ZNF536: variants seen among roughly 807,000 people sequenced by gnomAD.
ZNF536 encodes the protein zinc finger protein 536.
ZNF536 carries 13 observed loss-of-function variants against 84.5 expected under a neutral mutation model. That is an observed-to-expected ratio of 0.15 (90% confidence interval 0.10 to 0.24). The LOEUF (loss-of-function observed/expected upper bound fraction) is 0.24. Among genes scored for constraint, ZNF536 ranks in the 10% least tolerant of loss-of-function variants. The pLI, the probability that ZNF536 is intolerant of heterozygous loss-of-function variation, is 1.00. For synonymous variants in ZNF536, 811 were observed against 742.5 expected, an observed-to-expected ratio of 1.09 and a Z score of -1.50; for missense variants, 1,536 against 1,747.5, an observed-to-expected ratio of 0.88 and a Z score of 2.16.
rs1321412404 is a variant in ZNF536, at chr19:30,548,826, C to A, written c.3207C>A (p.Ile1069=). 6.2e-7 allele frequency: 1 copy of A among 1,613,988 alleles called. No individual in the cohort carries two copies. The highest frequency in any genetic ancestry group is 8.5e-7 in the Non-Finnish European group (1 of 1,180,038). The change falls in exon 4 of 5, where the codon ATC becomes ATA. Residue 1069 remains isoleucine, a synonymous_variant. Transcript: ENST00000355537. ...AAGACCTGGGCCTCTCCAATATGAT[C>A]AGCTCTCTAGACTCTGCTTCTGAGA... ...SNKDLGLSNM[I]SSLDSASEKM...
intron 1 of ZNF536, among the ~76,000 whole-genome samples, chr19:30,378,778 C>T: frequency 6.6e-6 from 1 of 152,190 alleles, no homozygotes; most frequent in Admixed American, 6.5e-5. Flanking sequence ...AAGCATGAAA[C>T]CTTGAGTGCC....
chr19:30,666,709 T>C (rs376247707), intron 1 of ZNF536, among the ~76,000 whole-genome samples: 1 of 146,994 alleles, frequency 6.8e-6, no homozygotes, highest in Non-Finnish European at 1.5e-5. Context: ...GACCCAGAAA[T>C]ACCTTTTAAT....
At chr19:30,242,464 A>G (rs1024994610) in intron 1 of ZNF536, among the ~76,000 whole-genome samples, 1 of 152,204 alleles carries the variant, frequency 6.6e-6, no homozygotes, top group Non-Finnish European at 1.5e-5. Flanking sequence ...GGGAGGGTCC[A>G]TCATGAGTGT....
intron 2 of ZNF536, among the ~76,000 whole-genome samples, chr19:30,297,979 C>T (rs1481058958): frequency 6.6e-6 from 1 of 150,442 alleles, no homozygotes; most frequent in African/African-American, 2.5e-5. Flanking sequence ...CTCCCAGGTT[C>T]AAAGGATTCT....
intron 1 of ZNF536, among the ~76,000 whole-genome samples, chr19:30,708,846 C>T (rs144457482): frequency 1.0e-3 from 156 of 152,282 alleles, no homozygotes; most frequent in Middle Eastern, 0.01. Flanking sequence ...GCTAAATAGA[C>T]GCAGGACTGC....
chr19:30,559,850 AG>A (rs1331096331), downstream of ZNF536, among the ~76,000 whole-genome samples: 4 of 152,152 alleles, frequency 2.6e-5, no homozygotes, highest in East Asian at 7.7e-4. Flanking sequence ...GGGATCTCCA[AG>A]CTGGAAGACT....
intron 1 of ZNF536, among the ~76,000 whole-genome samples, chr19:30,405,531 G>A (rs1600593176): frequency 6.6e-6 from 1 of 152,110 alleles, no homozygotes; most frequent in East Asian, 1.9e-4. Flanking sequence ...TGATGGGTCT[G>A]ATGAGCCATC....
rs2146194848 is a variant in ZNF536 at position 30,548,303 on chromosome 19, C to T, written c.2684C>T (p.Thr895Ile). The T allele has an allele frequency of 1.9e-6, 3 of 1,614,244 alleles. No homozygotes were observed. The highest frequency in any genetic ancestry group is 2.5e-6 in the Non-Finnish European group (3 of 1,180,050). ...GGCACTGACCTTCCTTCCAAAAGCA[C>T]CCACTTCTCTGAGATCGGAAGAGCT... is the stretch of plus-strand genomic sequence containing the variant. The part of the protein sequence containing the change: ...LKGTDLPSKS[T>I]HFSEIGRAYQ... Residue 895 changes from threonine (T) to isoleucine (I), a missense_variant, in exon 4 of 5, where the codon ACC becomes ATC. Around this residue, in one of 8 missense-constraint regions of ZNF536, gnomAD observed 624 missense variants for 603.1 expected, o/e 1.03. Transcript: ENST00000355537.
intron 1 of ZNF536, among the ~76,000 whole-genome samples, chr19:30,701,931 C>T (rs958704385): frequency 5.9e-5 from 9 of 152,192 alleles, no homozygotes; most frequent in Non-Finnish European, 1.0e-4. Flanking sequence ...ACATGTTCAC[C>T]AATGGGCACT....
chr19:30,696,673 G>T (rs910706187), intron 1 of ZNF536, among the ~76,000 whole-genome samples: 1 of 152,156 alleles, frequency 6.6e-6, no homozygotes, highest in South Asian at 2.1e-4. Flanking sequence ...GCGCAATGGC[G>T]GGGGATGAAG....
intron 2 of ZNF536, among the ~76,000 whole-genome samples, chr19:30,334,971 G>T (rs2047334193): frequency 6.6e-6 from 1 of 152,216 alleles, no homozygotes; most frequent in Admixed American, 6.5e-5. Context: ...AGGCGGGAAT[G>T]CTCGCTCACT....
intron 2 of ZNF536, among the ~76,000 whole-genome samples, chr19:30,453,178 C>A (rs951611119): frequency 1.3e-5 from 2 of 152,164 alleles, no homozygotes; most frequent in African/African-American, 2.4e-5. Flanking sequence ...GTGTCCCCCC[C>A]ACCCCCAAAA....
At chr19:30,482,843 G>A (rs1048587221) in intron 2 of ZNF536, among the ~76,000 whole-genome samples, 2 of 152,156 alleles carry the variant, frequency 1.3e-5, no homozygotes, top group Non-Finnish European at 2.9e-5. Flanking sequence ...GTTTGCAGGG[G>A]ACCCTCTATT....
intron 1 of ZNF536, among the ~76,000 whole-genome samples, chr19:30,703,623 G>GGCAGGAAGCACAGGACAGTGGC (rs1328514872): frequency 2.6e-5 from 4 of 152,210 alleles, no homozygotes; most frequent in African/African-American, 9.6e-5. Flanking sequence ...TGCTACCTGC[G>GGCAGGAAGCACAGGACAGTGGC]GCAGGAAGCA....
intron 2 of ZNF536, among the ~76,000 whole-genome samples, chr19:30,465,248 TC>T (rs1263079238): frequency 6.6e-6 from 1 of 152,036 alleles, no homozygotes; most frequent in Non-Finnish European, 1.5e-5. Context: ...AGGCCTGCTC[TC>T]CCCGCAGACC....
intron 1 of ZNF536, among the ~76,000 whole-genome samples, chr19:30,437,513 C>T (rs1366998623): frequency 6.6e-6 from 1 of 151,994 alleles, no homozygotes; most frequent in East Asian, 1.9e-4. Context: ...AAGAAGAAAA[C>T]CTGTAATGTT....
chr19:30,651,496 A>T (rs1328074266), intron 1 of ZNF536, among the ~76,000 whole-genome samples: 2 of 152,192 alleles, frequency 1.3e-5, no homozygotes, highest in African/African-American at 2.4e-5. Flanking sequence ...ATTTATTTTT[A>T]AAAAAGAGAA....
At position 30,445,967 on chromosome 19, in the gene ZNF536, G is replaced by T. The variant is rs1376585854; in HGVS notation, c.2170+235G>T. The stretch of plus-strand genomic sequence containing the variant: ...CTGGCTACCAAGAAAGTAAGTTGAG[G>T]CCGGGTGTGGTGGCTCACGCCTGTA... On this transcript the variant is annotated intron_variant, in intron 2 of 4. Coordinates refer to ENST00000355537, the MANE Select transcript of ZNF536 (RefSeq NM_014717.3). The surrounding 1 kb of genome is among the most constrained non-coding windows in gnomAD (Gnocchi z 4.5). Among the ~76,000 whole-genome samples, 1 of 152,110 alleles carries T rather than the reference G, an allele frequency of 6.6e-6. No individual in the cohort carries two copies. Among genetic ancestry groups the T allele is most frequent in the East Asian group, 1.9e-4 (1 of 5,178 alleles).
At chr19:30,355,142 C>T (rs998263272) in intron 3 of ZNF536, among the ~76,000 whole-genome samples, 5 of 152,054 alleles carry the variant, frequency 3.3e-5, no homozygotes, top group Admixed American at 1.3e-4. Flanking sequence ...ACAAGCATGG[C>T]GCCAGCATCT....
Sources: allele counts gnomAD v4.1 joint callset (sites outside exome capture counted in the v4.1 genomes callset), GRCh38; gene constraint gnomAD v4.1.1; regional missense constraint gnomAD v4.1.1; non-coding constraint Gnocchi (gnomAD v3.1); transcripts MANE v1.5; gene names NCBI Gene and HGNC (gene_info 2026-07-23, HGNC 2026-07-21).